The following TMEM130 variants were observed in gnomAD, a reference collection of about 807,000 sequenced individuals.
TMEM130 encodes transmembrane protein 130.
A neutral mutation model predicts 42.9 loss-of-function variants in TMEM130; 37 were observed. The observed-to-expected ratio is 0.86, with a 90% confidence interval of 0.66 to 1.13. The LOEUF (loss-of-function observed/expected upper bound fraction) is 1.13, where lower values mean the gene tolerates loss of function less well. TMEM130 is among the 50% of genes most tolerant of loss of function. The pLI, the probability that TMEM130 is intolerant of heterozygous loss-of-function variation, is 0.00. For missense variants in TMEM130, 545 were observed against 562.6 expected, an observed-to-expected ratio of 0.97 and a Z score of 0.32; for synonymous variants, 259 against 237.7, an observed-to-expected ratio of 1.09 and a Z score of -0.82.
At chr7:98,850,094 G>A (rs782020594) in intron 6 of TMEM130, among the ~76,000 whole-genome samples, 1 of 150,662 alleles carries the variant, frequency 6.6e-6, no homozygotes, top group Non-Finnish European at 1.5e-5. Flanking sequence ...CTGTCGCTCA[G>A]GCTGGAGTGC....
rs1322265817 is a variant in TMEM130, at chr7:98,869,780, C to T, written c.82G>A (p.Ala28Thr). The T allele has an allele frequency of 2.6e-5, 36 of 1,407,914 alleles. No homozygotes were observed. In the African/African-American group the frequency reaches 5.1e-4, roughly 20 times the overall value. The allele number at this position is 1,407,914 out of a possible 1,614,324, so 87.2% of individuals were successfully genotyped here. The stretch of plus-strand genomic sequence containing the variant: ...GCCGGATTGCCCAGCGCCTTACCTG[C>T]GGCCACCCCTGCCGGGGCCCAGGGC... ...LLPWAPAGVA[A>T]GLYELNLTTD... is the part of the protein sequence containing the mutation. Residue 28 changes from alanine to threonine, a missense_variant, in exon 1 of 8, where the codon GCA becomes ACA. Physicochemically the swap from Ala to Thr is moderately conservative, Grantham distance 58. Transcript: ENST00000339375. This position sits in a 1 kb window ranked among gnomAD's most constrained non-coding sequence, Gnocchi z 4.7.
intron 3 of TMEM130, 114 bp downstream of exon 3, chr7:98,860,065 T>C: frequency 3.4e-6 from 3 of 878,464 alleles, no homozygotes; most frequent in Admixed American, 3.9e-5. Flanking sequence ...CAAGACTGCA[T>C]CTCAAAAAAA....
chr7:98,854,546 T>C (rs1636687), intron 5 of TMEM130, among the ~76,000 whole-genome samples: 141,545 of 152,268 alleles, frequency 0.93, 65,874 homozygotes, highest in African/African-American at 0.98. Context: ...TGAGACTAGC[T>C]TGAGCAACAT....
chr7:98,857,192 G>A (rs893396106), intron 3 of TMEM130, among the ~76,000 whole-genome samples: 72 of 152,256 alleles, frequency 4.7e-4, no homozygotes, highest in Non-Finnish European at 1.9e-4. Context: ...CAAAGCACTG[G>A]AATGACAGGT....
In TMEM130 at chr7:98,869,674, C is replaced by T. The variant is rs1233346420; in HGVS notation, c.85+103G>A. On this transcript the variant is annotated intron_variant, in intron 1 of 7. Coordinates refer to ENST00000339375, the MANE Select transcript of TMEM130 (RefSeq NM_152913.3). This position sits in a 1 kb window ranked among gnomAD's most constrained non-coding sequence, Gnocchi z 4.7. The stretch of plus-strand genomic sequence containing the variant: ...GGAGATGCGCGCAGGGCGCACGGTG[C>T]CACCTCCGCAATCCCTGCTCCCGGG... 4 of 856,056 alleles carry T rather than the reference C, an allele frequency of 4.7e-6. No individual in the cohort carries two copies. The highest frequency in any genetic ancestry group is 1.8e-5 in the African/African-American group (1 of 56,188). The allele number at this position is 856,056 out of a possible 1,614,324, so 53.0% of individuals were successfully genotyped here. A position where few individuals can be genotyped will look rare whatever the true frequency, so the allele number is the denominator to read the frequency against.
intron 2 of TMEM130, 27 bp from the exon 3 acceptor site, chr7:98,860,365 TGA>T: frequency 1.9e-6 from 3 of 1,566,760 alleles, no homozygotes; most frequent in Non-Finnish European, 2.6e-6. Context: ...CACGGGAGGG[TGA>T]GTCTTGGAGA....
chr7:98,849,508 G>T (rs1266662160), intron 6 of TMEM130, among the ~76,000 whole-genome samples: 1 of 152,152 alleles, frequency 6.6e-6, no homozygotes, highest in East Asian at 1.9e-4. Context: ...TCCCCAGAGG[G>T]TGCTGAGAGA....
In TMEM130 at chr7:98,856,182, T is replaced by A. The variant is rs782260417; in HGVS notation, c.553A>T (p.Thr185Ser). 6.2e-7 allele frequency: 1 copy of A among 1,613,428 alleles called. No individual in the cohort carries two copies. The highest frequency in any genetic ancestry group is 1.7e-5 in the Admixed American group (1 of 60,010). The stretch of plus-strand genomic sequence containing the variant: ...ACGGAGTCTTCAGTCACCATCTGGG[T>A]CCTGTTAGGAGACAGGGAGGAGAGA... ...FLYSWDFGDG[T>S]QMVTEDSVVY... The change falls in exon 4 of 8, where the codon ACC becomes TCC. Residue 185 changes from threonine (T) to serine (S), a missense_variant and splice_region_variant. Physicochemically the swap from Thr to Ser is moderately conservative, Grantham distance 58. Coordinates refer to ENST00000339375, the MANE Select transcript of TMEM130 (RefSeq NM_152913.3).
At chr7:98,865,960 A>G in intron 1 of TMEM130, 1 of 178,638 alleles carries the variant, frequency 5.6e-6, no homozygotes, top group South Asian at 1.1e-4. Flanking sequence ...TGTCAGCTCC[A>G]GGTCCATTTT....
chr7:98,861,179 A>G (rs1273175691), intron 2 of TMEM130, among the ~76,000 whole-genome samples: 1 of 151,706 alleles, frequency 6.6e-6, no homozygotes, highest in Non-Finnish European at 1.5e-5. Context: ...TTAAAAATAC[A>G]AAAACAAAAT....
Position 98,860,246 on chromosome 7 carries a change from GGAA to G in TMEM130, c.481_483del (p.Phe161del), listed in dbSNP as rs782143496. 5.0e-6 allele frequency: 8 copies of G among 1,614,072 alleles called. No homozygotes were observed. Among genetic ancestry groups the G allele is most frequent in the Non-Finnish European group, 5.1e-6 (6 of 1,179,992 alleles). On this transcript the variant is annotated inframe_deletion, in exon 3 of 8. Coordinates refer to ENST00000339375, the MANE Select transcript of TMEM130 (RefSeq NM_152913.3). Reference sequence around the variant, plus strand: ...AGGAAGTTGCTCGGGTCGTGGAGGAGGAAGGAGACTTTCAGGACGGTCTTAGTG... The same window carrying G: ...AGGAAGTTGCTCGGGTCGTGGAGGAGGGAGACTTTCAGGACGGTCTTAGTG...
Position 98,851,591 on chromosome 7 carries a change from G to A in TMEM130, c.836C>T (p.Pro279Leu). 6.2e-7 allele frequency: 1 copy of A among 1,613,582 alleles called. No homozygotes were observed. The highest frequency in any genetic ancestry group is 8.5e-7 in the Non-Finnish European group (1 of 1,179,706). Residue 279 changes from proline to leucine, a missense_variant, in exon 6 of 8, where the codon CCT (proline) becomes CTT (leucine). By Grantham distance (98) the Pro-to-Leu change is moderately conservative (BLOSUM62 -3). Coordinates refer to ENST00000339375, the MANE Select transcript of TMEM130 (RefSeq NM_152913.3). ...PPLTVCWRLK[P>L]ECLPLEEGEC... ...CCCTTCCTCCAGCGGGAGGCACTCA[G>A]GCTTGAGACGCCAGCACACAGTCAG...
chr7:98,868,560 C>T (rs1554400953), intron 1 of TMEM130, among the ~76,000 whole-genome samples: 1 of 152,136 alleles, frequency 6.6e-6, no homozygotes, highest in Admixed American at 6.6e-5. Flanking sequence ...ATTAATAGTC[C>T]AGTACATGGA....
chr7:98,853,683 T>C (rs1297236524), intron 5 of TMEM130, among the ~76,000 whole-genome samples: 1 of 152,230 alleles, frequency 6.6e-6, no homozygotes, highest in Non-Finnish European at 1.5e-5. Context: ...TCTGCGGCTC[T>C]ATCCATCCCA....
chr7:98,860,466 G>T, intron 2 of TMEM130, 128 bp from the exon 3 acceptor site: 1 of 956,704 alleles, frequency 1.0e-6, no homozygotes, highest in Non-Finnish European at 1.5e-6. Flanking sequence ...GTCAGAGCTA[G>T]GCAGGGAGAG....
At chr7:98,856,663 A>G (rs926318408) in intron 3 of TMEM130, among the ~76,000 whole-genome samples, 1 of 151,970 alleles carries the variant, frequency 6.6e-6, no homozygotes, top group African/African-American at 2.4e-5. Flanking sequence ...GTGCCAGGCT[A>G]ATACATGATT....
chr7:98,859,939 C>T (rs1554399518), intron 3 of TMEM130, among the ~76,000 whole-genome samples: 2 of 151,840 alleles, frequency 1.3e-5, no homozygotes, highest in Non-Finnish European at 2.9e-5. Context: ...TGTGGTGGCG[C>T]AAGCCTGCAG....
In TMEM130 at chr7:98,851,495, T is replaced by C. The variant is rs1431877792; in HGVS notation, c.932A>G (p.Tyr311Cys). 1.9e-6 allele frequency: 3 copies of C among 1,613,944 alleles called. No homozygotes were observed. The highest frequency in any genetic ancestry group is 2.5e-6 in the Non-Finnish European group (3 of 1,180,002). ...LTHTFRDPGD[Y>C]CFSIRAENII... ...ATTCTCGGCCCGGATGCTGAAGCAG[T>C]AGTCCCCAGGGTCCCTGAAGGTGTG... The change falls in exon 6 of 8, where the codon TAC (tyrosine) becomes TGC (cysteine). Residue 311 changes from tyrosine to cysteine, a missense_variant. By Grantham distance (194) the Tyr-to-Cys change is radical. Transcript: ENST00000339375.
Position 98,847,963 on chromosome 7 carries a change from T to G in TMEM130, c.*93A>C. On this transcript the variant is annotated 3_prime_UTR_variant, in exon 8 of 8. Transcript: ENST00000339375. ...ATCCAGGCCAACAGCCCCACGCAAA[T>G]GAACCCCTCCTGGTCAGTGGTGCAC... 1 of 1,290,888 alleles carries G rather than the reference T, an allele frequency of 7.7e-7. No individual in the cohort carries two copies. The highest frequency in any genetic ancestry group is 2.3e-5 in the East Asian group (1 of 43,052). The allele number at this position is 1,290,888 out of a possible 1,614,324, so 80.0% of individuals were successfully genotyped here.
Sources: allele counts gnomAD v4.1 joint callset (sites outside exome capture counted in the v4.1 genomes callset), GRCh38; gene constraint gnomAD v4.1.1; non-coding constraint Gnocchi (gnomAD v3.1); transcripts MANE v1.5; gene names NCBI Gene and HGNC (gene_info 2026-07-23, HGNC 2026-07-21).